Variants in TUBGCP3 observed in about 807,000 individuals in gnomAD.
TUBGCP3 encodes gamma-tubulin complex component 3.
In TUBGCP3, 50 loss-of-function variants were observed where a neutral mutation model predicts 123.1. The ratio of observed to expected loss-of-function variants is 0.41; its 90% CI spans 0.32 to 0.51. TUBGCP3 has a LOEUF of 0.51. TUBGCP3 is among the 20% of genes least tolerant of loss of function. The pLI, the probability that TUBGCP3 is intolerant of heterozygous loss-of-function variation, is 0.36. For synonymous variants in TUBGCP3, 405 were observed against 413.9 expected, an observed-to-expected ratio of 0.98 and a Z score of 0.26; for missense variants, 882 against 1,127.0, an observed-to-expected ratio of 0.78 and a Z score of 3.11.
In TUBGCP3 at chr13:112,557,700, T is replaced by G. The variant is rs1880161249; in HGVS notation, c.548+496A>C. On this transcript the variant is annotated intron_variant, in intron 5 of 21. Coordinates refer to ENST00000261965, the MANE Select transcript of TUBGCP3 (RefSeq NM_006322.6). ...GACCACATACATAAAACCTTCGTTG[T>G]GCATTCCTGCATTTCATCATCTTAA... Among the ~76,000 whole-genome samples, 4 of 152,270 alleles carry G rather than the reference T, an allele frequency of 2.6e-5. No homozygotes were observed. In the South Asian group the frequency reaches 6.2e-4, roughly 24 times the overall value.
intron 6 of TUBGCP3, among the ~76,000 whole-genome samples, 156 bp from the exon 7 acceptor site, chr13:112,555,161 G>C (rs1394611283): frequency 6.6e-6 from 1 of 152,176 alleles, no homozygotes; most frequent in East Asian, 1.9e-4. Context: ...TATGAGATTA[G>C]AAAGAAACAA....
intron 20 of TUBGCP3, among the ~76,000 whole-genome samples, chr13:112,492,721 C>T (rs890128578): frequency 2.0e-5 from 3 of 151,394 alleles, no homozygotes; most frequent in African/African-American, 7.3e-5. Context: ...GGGAATGGGG[C>T]CTGGTATCCC....
upstream of TUBGCP3, among the ~76,000 whole-genome samples, chr13:112,592,591 G>A (rs371723602): frequency 2.6e-5 from 4 of 152,254 alleles, no homozygotes; most frequent in South Asian, 6.2e-4. This position sits in a 1 kb window ranked among gnomAD's most constrained non-coding sequence, Gnocchi z 4.1. Context: ...GTCAGGGGAA[G>A]AGAGAGAGGG....
chr13:112,571,669 T>C (rs965528033), intron 1 of TUBGCP3, among the ~76,000 whole-genome samples: 2 of 152,218 alleles, frequency 1.3e-5, no homozygotes, highest in African/African-American at 4.8e-5. Flanking sequence ...AAAGTTGGCA[T>C]CTTATTAGAC....
At chr13:112,547,389 C>A in intron 10 of TUBGCP3, 1 of 623,182 alleles carries the variant, frequency 1.6e-6, no homozygotes, top group Non-Finnish European at 2.3e-6. Context: ...TGGCTCCCAT[C>A]TGTCGATTCC....
chr13:112,547,507 CG>C, intron 10 of TUBGCP3, 112 bp downstream of exon 10: 1 of 1,332,744 alleles, frequency 7.5e-7, no homozygotes, highest in Non-Finnish European at 9.7e-7. Context: ...GCCAGACGCG[CG>C]TGGGAAAGAC....
intron 17 of TUBGCP3, among the ~76,000 whole-genome samples, chr13:112,515,758 C>T (rs1876064756): frequency 6.6e-6 from 1 of 152,210 alleles, no homozygotes; most frequent in South Asian, 2.1e-4. Flanking sequence ...CAGGGAACTC[C>T]CTGCCCCACA....
intron 11 of TUBGCP3, among the ~76,000 whole-genome samples, chr13:112,530,428 C>T (rs1318673739): frequency 6.6e-6 from 1 of 152,214 alleles, no homozygotes; most frequent in Admixed American, 6.5e-5. Flanking sequence ...AGGAAAAAAT[C>T]GCATATACAA....
chr13:112,541,179 A>G (rs1878487467), intron 11 of TUBGCP3, among the ~76,000 whole-genome samples: 1 of 152,236 alleles, frequency 6.6e-6, no homozygotes, highest in South Asian at 2.1e-4. Context: ...ATGAATACAC[A>G]AGCCTGAATA....
chr13:112,573,448 A>C (rs939614362), intron 1 of TUBGCP3, among the ~76,000 whole-genome samples: 2 of 152,110 alleles, frequency 1.3e-5, no homozygotes, highest in East Asian at 3.9e-4. Flanking sequence ...TGTCCAAAGA[A>C]GTCATACAAG....
Position 112,486,050 on chromosome 13 carries a change from C to G in TUBGCP3, c.2667G>C (p.Arg889Ser), listed in dbSNP as rs1182650843. The part of the protein sequence containing the change: ...RLDFNEHYKA[R>S]EPRLRVSLGT... ...CCAGAGACACACGGAGCCTGGGCTC[C>G]CTGGCTTTGTAATGCTCGTTGAAGT... The change falls in exon 22 of 22, where the codon AGG becomes AGC. Residue 889 changes from arginine to serine, a missense_variant. Physicochemically the swap from Arg to Ser is moderately radical, Grantham distance 110. Around this residue, in one of 3 missense-constraint regions of TUBGCP3, gnomAD observed 160 missense variants for 220.3 expected, o/e 0.73. Transcript: ENST00000261965. 23 of 1,609,844 alleles carry G rather than the reference C, an allele frequency of 1.4e-5. No homozygotes were observed. Among genetic ancestry groups the G allele is most frequent in the Non-Finnish European group, 2.0e-5 (23 of 1,176,512 alleles).
At chr13:112,586,780 T>G (rs1882638452) in intron 1 of TUBGCP3, among the ~76,000 whole-genome samples, 1 of 152,158 alleles carries the variant, frequency 6.6e-6, no homozygotes, top group Admixed American at 6.5e-5. Context: ...TCACCAGCAC[T>G]TAGCACAGTT....
At chr13:112,527,834 C>T (rs967189170) in intron 11 of TUBGCP3, among the ~76,000 whole-genome samples, 18 of 152,364 alleles carry the variant, frequency 1.2e-4, no homozygotes, top group African/African-American at 4.1e-4. Context: ...TCACAGGCAG[C>T]AGCTGTGTGT....
chr13:112,521,825 C>A, intron 14 of TUBGCP3: 19 of 985,384 alleles, frequency 1.9e-5, no homozygotes, highest in Non-Finnish European at 2.3e-5. Flanking sequence ...GCACAGCAGG[C>A]TCTGGTCCAG....
chr13:112,590,965 G>T (rs1363931239), upstream of TUBGCP3, among the ~76,000 whole-genome samples: 1 of 152,162 alleles, frequency 6.6e-6, no homozygotes, highest in Admixed American at 6.5e-5. Flanking sequence ...GTAAATCGAT[G>T]ATATTAAAAA....
intron 21 of TUBGCP3, among the ~76,000 whole-genome samples, chr13:112,488,051 G>C (rs1460999273): frequency 6.7e-6 from 1 of 149,262 alleles, no homozygotes; most frequent in Non-Finnish European, 1.5e-5. Context: ...AGCATCGTTT[G>C]AACCCAGGAG....
At chr13:112,590,879 G>C (rs980282046), upstream of TUBGCP3, among the ~76,000 whole-genome samples, 5 of 152,182 alleles carry the variant, frequency 3.3e-5, no homozygotes, top group African/African-American at 1.2e-4. Flanking sequence ...CCTAAGATCA[G>C]CCCTTATGGG....
intron 5 of TUBGCP3, 149 bp from the exon 6 acceptor site, chr13:112,556,373 A>G: frequency 1.3e-6 from 1 of 793,546 alleles, no homozygotes; most frequent in Non-Finnish European, 1.9e-6. Context: ...CTAACCGAAT[A>G]TATCAATAAC....
At chr13:112,517,438 CT>C (rs1169553375) in intron 16 of TUBGCP3, among the ~76,000 whole-genome samples, 3 of 152,128 alleles carry the variant, frequency 2.0e-5, no homozygotes, top group Non-Finnish European at 4.4e-5. Context: ...AATTAATTAT[CT>C]CTTATCTAGG....
Sources: allele counts gnomAD v4.1 joint callset (sites outside exome capture counted in the v4.1 genomes callset), GRCh38; gene constraint gnomAD v4.1.1; regional missense constraint gnomAD v4.1.1; non-coding constraint Gnocchi (gnomAD v3.1); transcripts MANE v1.5; gene names NCBI Gene and HGNC (gene_info 2026-07-23, HGNC 2026-07-21).